Variants in VLDLR observed in about 807,000 individuals in gnomAD.
The protein encoded by VLDLR is very low-density lipoprotein receptor.
Under a neutral mutation model 112.7 loss-of-function variants are expected in VLDLR, and 81 were observed. The observed-to-expected ratio is 0.72, with a 90% CI of 0.60 to 0.86. VLDLR has a LOEUF of 0.86. Ranked by LOEUF, VLDLR falls within the 40% of genes least tolerant of loss-of-function variation. VLDLR has a pLI of 0.00. For missense variants in VLDLR, 1,237 were observed against 1,099.4 expected, an observed-to-expected ratio of 1.13 and a Z score of -1.77; for synonymous variants, 436 against 384.8, an observed-to-expected ratio of 1.13 and a Z score of -1.56.
chr9:2,641,854 G>A (rs1445394152), intron 4 of VLDLR, among the ~76,000 whole-genome samples: 1 of 152,020 alleles, frequency 6.6e-6, no homozygotes, highest in Non-Finnish European at 1.5e-5. Context: ...AAGGTGAGTA[G>A]GGTTGGCAAA....
intron 15 of VLDLR, 53 bp downstream of exon 15, chr9:2,650,569 T>G: frequency 4.4e-6 from 7 of 1,606,694 alleles, no homozygotes; most frequent in Non-Finnish European, 5.9e-6. Context: ...AGCAATATAA[T>G]AAGACACAAG....
rs1294771318 is a variant in VLDLR, at chr9:2,657,763, G to C, written c.*3895G>C. The C allele has an allele frequency of 6.6e-6, 1 of 152,100 alleles. No homozygotes were observed. The highest frequency in any genetic ancestry group is 1.9e-4 in the East Asian group (1 of 5,194). The allele number at this position is 152,100 out of a possible 1,614,324, so 9.4% of individuals were successfully genotyped here. A position where few individuals can be genotyped will look rare whatever the true frequency, so the allele number is the denominator to read the frequency against. ...GTTAAGCATCTAACCGGAGTGGGAG[G>C]GCACATCAAGCGATTTCACTCTCTT... is the stretch of plus-strand genomic sequence containing the variant. On this transcript the variant is annotated 3_prime_UTR_variant, in exon 19 of 19. Transcript: ENST00000382100.
rs1282415317 is a variant in VLDLR at position 2,658,891 on chromosome 9, A to G, written c.*5023A>G. 6.6e-6 allele frequency: 1 copy of G among 152,140 alleles called. No homozygotes were observed. Among genetic ancestry groups the G allele is most frequent in the Non-Finnish European group, 1.5e-5 (1 of 68,030 alleles). 9.4% of individuals were successfully genotyped at this position (152,140 alleles called of 1,614,324 possible). A position where few individuals can be genotyped will look rare whatever the true frequency, so the allele number is the denominator to read the frequency against. On this transcript the variant is annotated 3_prime_UTR_variant, in exon 19 of 19. Coordinates refer to ENST00000382100, the MANE Select transcript of VLDLR (RefSeq NM_003383.5). Reference sequence around the variant, plus strand: ...TTCTCCACTACACCTGTCTGAAGAGATCTAAGTCTGATATTTAAGGAGTGA... The same window carrying G: ...TTCTCCACTACACCTGTCTGAAGAGGTCTAAGTCTGATATTTAAGGAGTGA...
In VLDLR at chr9:2,656,579, G is replaced by A. The variant is rs184214474; in HGVS notation, c.*2711G>A. 294 of 152,252 alleles carry A rather than the reference G, an allele frequency of 1.9e-3. 2 individuals carry two copies. Among genetic ancestry groups the A allele is most frequent in the African/African-American group, 6.5e-3 (272 of 41,544 alleles). 9.4% of individuals were successfully genotyped at this position (152,252 alleles called of 1,614,324 possible). On this transcript the variant is annotated 3_prime_UTR_variant, in exon 19 of 19. Coordinates refer to ENST00000382100, the MANE Select transcript of VLDLR (RefSeq NM_003383.5). Reference sequence around the variant, plus strand: ...TTGAATTCTATGTGAAATGTGTTAGGATAAGTTTGCTCTGTCTCTAGAGTT... The same window carrying A: ...TTGAATTCTATGTGAAATGTGTTAGAATAAGTTTGCTCTGTCTCTAGAGTT...
In VLDLR at chr9:2,656,625, A is replaced by C. The variant is rs1191093350; in HGVS notation, c.*2757A>C. On this transcript the variant is annotated 3_prime_UTR_variant, in exon 19 of 19. Transcript: ENST00000382100. ...GAGTTCAATGTAGAAGATAATTAAG[A>C]GGTAAAATATGAAGCTTATCATACA... The C allele has an allele frequency of 6.6e-6, 1 of 152,106 alleles. No individual in the cohort carries two copies. Among genetic ancestry groups the C allele is most frequent in the Non-Finnish European group, 1.5e-5 (1 of 68,002 alleles). 9.4% of individuals were successfully genotyped at this position (152,106 alleles called of 1,614,324 possible). A position where few individuals can be genotyped will look rare whatever the true frequency, so the allele number is the denominator to read the frequency against.
At chr9:2,647,064 G>T (rs1257745169) in intron 11 of VLDLR, among the ~76,000 whole-genome samples, 1 of 152,132 alleles carries the variant, frequency 6.6e-6, no homozygotes, top group Non-Finnish European at 1.5e-5. Flanking sequence ...AAGTAACATA[G>T]AAGAGCAGCT....
intron 1 of VLDLR, 21 bp downstream of exon 1, chr9:2,622,292 C>G: frequency 1.4e-6 from 2 of 1,458,166 alleles, no homozygotes; most frequent in Non-Finnish European, 1.8e-6. Flanking sequence ...ACGCGCCCCT[C>G]CGCCGGCGGG....
intron 8 of VLDLR, 22 bp downstream of exon 8, chr9:2,644,875 G>C: frequency 6.2e-7 from 1 of 1,614,108 alleles, no homozygotes; most frequent in Non-Finnish European, 8.5e-7. Context: ...AAGAAAACCT[G>C]GACCCTGCAG....
Position 2,639,868 on chromosome 9 carries a change from C to G in VLDLR, c.212C>G (p.Thr71Arg), listed in dbSNP as rs575202021. Residue 71 changes from threonine (T) to arginine (R), a missense_variant, in exon 3 of 19, where the codon ACG becomes AGG. Thr to Arg is a moderately conservative substitution (Grantham distance 71). Coordinates refer to ENST00000382100, the MANE Select transcript of VLDLR (RefSeq NM_003383.5). Reference protein sequence around the residue: ...GSDEKNCVKKTCAESDFVCNN... With the variant: ...GSDEKNCVKKRCAESDFVCNN... Reference sequence around the variant, plus strand: ...AAATAAACGTTTGTAGTAAAGAAGACGTGTGCTGAATCTGACTTCGTGTGC... The same window carrying G: ...AAATAAACGTTTGTAGTAAAGAAGAGGTGTGCTGAATCTGACTTCGTGTGC... The G allele has an allele frequency of 6.2e-7, 1 of 1,614,042 alleles. No homozygotes were observed. Among genetic ancestry groups the G allele is most frequent in the Non-Finnish European group, 8.5e-7 (1 of 1,180,000 alleles).
Position 2,653,832 on chromosome 9 carries a change from G to A in VLDLR, c.2587-1G>A, listed in dbSNP as rs1818470166. ...CATTCTATACTTCTTCTTTTCCACA[G>A]ATATCAGTTGTAAGCACAGATGATG... On this transcript the variant is annotated splice_acceptor_variant, in intron 18 of 18. Coordinates refer to ENST00000382100, the MANE Select transcript of VLDLR (RefSeq NM_003383.5). LOFTEE classifies it high-confidence loss of function. The A allele has an allele frequency of 1.2e-6, 2 of 1,613,742 alleles. No individual in the cohort carries two copies. Among genetic ancestry groups the A allele is most frequent in the African/African-American group, 2.7e-5 (2 of 74,886 alleles).
intron 1 of VLDLR, among the ~76,000 whole-genome samples, chr9:2,627,150 G>C (rs539316200): frequency 6.6e-6 from 1 of 152,198 alleles, no homozygotes; most frequent in African/African-American, 2.4e-5. Flanking sequence ...AAGCTCTGAA[G>C]AGGAGTGAGC....
rs1818714818 is a variant in VLDLR, at chr9:2,659,194, CT to C, written c.*5327del. The stretch of plus-strand genomic sequence containing the variant: ...TATCTCCATTTTACATAGGTAAAAA[CT>C]GAGGCTACAAACAATCTATGGTTCC... On this transcript the variant is annotated 3_prime_UTR_variant, in exon 19 of 19. Coordinates refer to ENST00000382100, the MANE Select transcript of VLDLR (RefSeq NM_003383.5). 6.6e-6 allele frequency: 1 copy of C among 152,228 alleles called. No individual in the cohort carries two copies. The highest frequency in any genetic ancestry group is 6.5e-5 in the Admixed American group (1 of 15,286). 9.4% of individuals were successfully genotyped at this position (152,228 alleles called of 1,614,324 possible).
Position 2,637,317 on chromosome 9 carries a change from A to G in VLDLR, c.202+1745A>G, listed in dbSNP as rs35362620. On this transcript the variant is annotated intron_variant, in intron 2 of 18. Transcript: ENST00000382100. ...TTAGTTCTTTATTTCCAGTATGTCA[A>G]TGGGCATAGTCAACTTAACCTTAGA... 4.6e-3 allele frequency among the ~76,000 whole-genome samples: 694 copies of G among 152,272 alleles called. 6 individuals are homozygous for G. Among genetic ancestry groups the G allele is most frequent in the African/African-American group, 0.016 (649 of 41,548 alleles).
In VLDLR at chr9:2,630,519, C is replaced by G. The variant is rs879276621; in HGVS notation, c.83-4934C>G. Among the ~76,000 whole-genome samples, 28 of 152,242 alleles carry G rather than the reference C, an allele frequency of 1.8e-4. 1 individual carries two copies. Among genetic ancestry groups the G allele is most frequent in the South Asian group, 1.2e-3 (6 of 4,826 alleles). ...CTGAAGTACGCTCTGAGCCTGGTACCCAGAGACACTTTCTCTATATTCTGG... is the reference window on the plus strand; with the variant it reads ...CTGAAGTACGCTCTGAGCCTGGTACGCAGAGACACTTTCTCTATATTCTGG... On this transcript the variant is annotated intron_variant, in intron 1 of 18. Transcript: ENST00000382100.
rs1377400755 is a variant in VLDLR at position 2,655,300 on chromosome 9, T to A, written c.*1432T>A. ...GACAAAGAAAAAATTGTACAGGGAG[T>A]TTAGTGAATTTTCCATCAGGTTGGC... On this transcript the variant is annotated 3_prime_UTR_variant, in exon 19 of 19. Coordinates refer to ENST00000382100, the MANE Select transcript of VLDLR (RefSeq NM_003383.5). 1 of 151,568 alleles carries A rather than the reference T, an allele frequency of 6.6e-6. No individual in the cohort carries two copies. The highest frequency in any genetic ancestry group is 2.4e-5 in the African/African-American group (1 of 41,174). The allele number at this position is 151,568 out of a possible 1,614,324, so 9.4% of individuals were successfully genotyped here. A position where few individuals can be genotyped will look rare whatever the true frequency, so the allele number is the denominator to read the frequency against.
intron 1 of VLDLR, among the ~76,000 whole-genome samples, chr9:2,624,835 C>T (rs973400134): frequency 1.3e-5 from 2 of 152,194 alleles, no homozygotes; most frequent in African/African-American, 4.8e-5. Flanking sequence ...GGAAGGTCAC[C>T]AGCCAAGCCC....
chr9:2,630,347 G>C (rs895154029), intron 1 of VLDLR, among the ~76,000 whole-genome samples: 18 of 152,114 alleles, frequency 1.2e-4, no homozygotes, highest in Admixed American at 9.8e-4. Flanking sequence ...AAATGCCCTT[G>C]GTGGCCCCAG....
At position 2,622,065 on chromosome 9, in the gene VLDLR, C is replaced by A; in HGVS notation, c.-125C>A. The A allele has an allele frequency of 3.2e-6, 3 of 941,366 alleles. No homozygotes were observed. The highest frequency in any genetic ancestry group is 4.6e-6 in the Non-Finnish European group (3 of 658,380). The allele number at this position is 941,366 out of a possible 1,614,324, so 58.3% of individuals were successfully genotyped here. A position where few individuals can be genotyped will look rare whatever the true frequency, so the allele number is the denominator to read the frequency against. On this transcript the variant is annotated 5_prime_UTR_variant, in exon 1 of 19. Coordinates refer to ENST00000382100, the MANE Select transcript of VLDLR (RefSeq NM_003383.5). ...GCTCCCTTCCCCCGCCAACTCCTTC[C>A]CCTCCTTCTCCCCCTTTCCCCTCCC...
intron 1 of VLDLR, among the ~76,000 whole-genome samples, chr9:2,633,331 A>G (rs1275994773): frequency 1.3e-5 from 2 of 151,966 alleles, no homozygotes; most frequent in East Asian, 3.9e-4. Context: ...AAATTCAGAG[A>G]CCCTCTTTAA....
Sources: gnomAD v4.1 joint callset for allele counts (sites outside exome capture counted in the v4.1 genomes callset) on GRCh38, gnomAD v4.1.1 for gene constraint, MANE v1.5 for transcripts, NCBI Gene and HGNC (gene_info 2026-07-23, HGNC 2026-07-21) for gene names.